WWP2: variants seen among roughly 807,000 people sequenced by gnomAD.
The protein encoded by WWP2 is WW domain containing E3 ubiquitin protein ligase 2, also known as NEDD4-like E3 ubiquitin-protein ligase WWP2.
In WWP2, 57 loss-of-function variants were observed where a neutral mutation model predicts 121.0. That is an observed-to-expected ratio of 0.47 (90% CI 0.38 to 0.59). The LOEUF is 0.59. WWP2 is among the 20% of genes least tolerant of loss of function. WWP2 has a pLI of 0.00. For synonymous variants in WWP2, 449 were observed against 441.3 expected (o/e 1.02, Z -0.22); for missense variants, 962 against 1,158.9 (o/e 0.83, Z 2.47).
At chr16:69,912,955 AATATATATATATATAT>A (rs1567427338) in intron 9 of WWP2, among the ~76,000 whole-genome samples, 1 of 8,352 alleles carries the variant, frequency 1.2e-4, no homozygotes, top group Non-Finnish European at 2.1e-4. Flanking sequence ...AAAAAAAAAA[AATATATATATATATAT>A]ATATATATAT....
intron 8 of WWP2, among the ~76,000 whole-genome samples, chr16:69,904,268 A>G (rs1224137983): frequency 2.0e-5 from 3 of 152,048 alleles, no homozygotes; most frequent in African/African-American, 7.2e-5. Context: ...CCAAATCCCC[A>G]CAGACGAAAC....
rs187863500 is a variant in WWP2, at chr16:69,903,143, C to T, written c.915-5618C>T. Among the ~76,000 whole-genome samples, 260 of 152,320 alleles carry T rather than the reference C, an allele frequency of 1.7e-3. 1 individual carries two copies. The highest frequency in any genetic ancestry group is 0.01 in the Middle Eastern group (3 of 294). The stretch of plus-strand genomic sequence containing the variant: ...GAGCTTTGCGGGACAATAATAGTCC[C>T]TGAAAGAGAGACTTTCATTTCCAGC... On this transcript the variant is annotated intron_variant, in intron 8 of 23. Transcript: ENST00000359154.
intron 21 of WWP2, 74 bp from the exon 22 acceptor site, chr16:69,938,953 A>G (rs1597194649): frequency 2.1e-6 from 3 of 1,407,406 alleles, no homozygotes; most frequent in East Asian, 2.5e-5. Context: ...CCGCTGAGCT[A>G]GAGAGCTCCA....
At chr16:69,879,488 G>A (rs2057787999) in intron 7 of WWP2, among the ~76,000 whole-genome samples, 2 of 151,748 alleles carry the variant, frequency 1.3e-5, no homozygotes, top group South Asian at 4.2e-4. Flanking sequence ...GTCCTTTTGT[G>A]TCTGGCTTAT....
At chr16:69,826,902 G>C (rs2056706371) in intron 4 of WWP2, among the ~76,000 whole-genome samples, 1 of 133,172 alleles carries the variant, frequency 7.5e-6, no homozygotes, top group Admixed American at 8.6e-5. Context: ...TCGTGCCACT[G>C]CACTCCAGCC....
In WWP2 at chr16:69,798,752, T is replaced by C; in HGVS notation, c.141T>C (p.Asp47=). 2 of 1,614,066 alleles carry C rather than the reference T, an allele frequency of 1.2e-6. No individual in the cohort carries two copies. Among genetic ancestry groups the C allele is most frequent in the South Asian group, 1.1e-5 (1 of 91,072 alleles). ...RINSYVEVAV[D]GLPSETKKTG... is the part of the protein sequence containing the mutation. ...ACTCCTACGTGGAGGTGGCGGTGGA[T>C]GGACTCCCCAGTGAGACCAAGAAGA... The change falls in exon 3 of 24, where the codon GAT becomes GAC. Residue 47 remains aspartate, a synonymous_variant. Coordinates refer to ENST00000359154, the MANE Select transcript of WWP2 (RefSeq NM_001270454.2).
At chr16:69,768,061 C>T (rs1434325937) in intron 1 of WWP2, among the ~76,000 whole-genome samples, 1 of 152,040 alleles carries the variant, frequency 6.6e-6, no homozygotes, top group Non-Finnish European at 1.5e-5. Context: ...TGGTCTTGAA[C>T]TCCGGGCTCA....
At chr16:69,847,076 A>ATTAT (rs1270031302) in intron 6 of WWP2, among the ~76,000 whole-genome samples, 5 of 148,042 alleles carry the variant, frequency 3.4e-5, no homozygotes, top group African/African-American at 1.0e-4. Flanking sequence ...GGCTCTTTTT[A>ATTAT]TTATTTATTT....
At chr16:69,839,072 A>G (rs2056928029) in intron 4 of WWP2, among the ~76,000 whole-genome samples, 2 of 148,446 alleles carry the variant, frequency 1.3e-5, no homozygotes, top group Admixed American at 1.4e-4. Flanking sequence ...ACATTTATAT[A>G]TACTATACCT....
At chr16:69,830,146 G>T (rs1342847435) in intron 4 of WWP2, among the ~76,000 whole-genome samples, 1 of 152,132 alleles carries the variant, frequency 6.6e-6, no homozygotes. Context: ...GTAGAGATGG[G>T]GTTTCACCAC....
chr16:69,785,259 A>C (rs578100690), intron 1 of WWP2, among the ~76,000 whole-genome samples: 2 of 151,460 alleles, frequency 1.3e-5, no homozygotes, highest in Non-Finnish European at 2.9e-5. Context: ...AAGACAAGGT[A>C]GTAGAGATGA....
intron 16 of WWP2, among the ~76,000 whole-genome samples, chr16:69,932,610 C>T (rs111563827): frequency 0.01 from 1,579 of 152,302 alleles, 12 homozygotes; most frequent in South Asian, 0.02. Flanking sequence ...CCCTGGGATC[C>T]CCTCCTCTTA....
Position 69,937,514 on chromosome 16 carries a change from C to A in WWP2, c.2239-34C>A. The A allele has an allele frequency of 6.2e-7, 1 of 1,609,170 alleles. No homozygotes were observed. The highest frequency in any genetic ancestry group is 8.5e-7 in the Non-Finnish European group (1 of 1,175,972). ...CGAGTGGACGATGCGCGGGGAGGGA[C>A]CTGCCGGGGATGCTGACTGCCGCCT... is the stretch of plus-strand genomic sequence containing the variant. On this transcript the variant is annotated intron_variant, in intron 20 of 23. Coordinates refer to ENST00000359154, the MANE Select transcript of WWP2 (RefSeq NM_001270454.2). This position sits in a 1 kb window ranked among gnomAD's most constrained non-coding sequence, Gnocchi z 6.6.
chr16:69,931,724 T>C (rs2058716801), intron 15 of WWP2, 78 bp from the exon 16 acceptor site: 1 of 1,577,634 alleles, frequency 6.3e-7, no homozygotes, highest in Non-Finnish European at 8.7e-7. Context: ...TATTGGGCCT[T>C]AGAGTCCCCT....
intron 7 of WWP2, among the ~76,000 whole-genome samples, chr16:69,885,354 T>C (rs1375840802): frequency 1.3e-5 from 2 of 152,236 alleles, no homozygotes; most frequent in Non-Finnish European, 2.9e-5. Context: ...CTTGCATTTC[T>C]GTTAGGGAAA....
intron 6 of WWP2, among the ~76,000 whole-genome samples, chr16:69,861,926 T>G (rs1422400686): frequency 6.6e-6 from 1 of 152,200 alleles, no homozygotes; most frequent in East Asian, 1.9e-4. Flanking sequence ...AGGACAGACT[T>G]GAGGTGGGGA....
rs2058791718 is a variant in WWP2 at position 69,935,995 on chromosome 16, C to A, written c.1976+9C>A. ...TCCATTGTCTGGATCAAGTGAGTTC[C>A]CTGCCCCCTTGCCCCACCGCGCTGA... On this transcript the variant is annotated intron_variant, in intron 18 of 23. Coordinates refer to ENST00000359154, the MANE Select transcript of WWP2 (RefSeq NM_001270454.2). The surrounding 1 kb of genome is among the most constrained non-coding windows in gnomAD (Gnocchi z 5.2). The A allele has an allele frequency of 6.2e-7, 1 of 1,613,218 alleles. No individual in the cohort carries two copies. Among genetic ancestry groups the A allele is most frequent in the Admixed American group, 1.7e-5 (1 of 59,902 alleles).
chr16:69,930,004 G>T, intron 12 of WWP2, 126 bp from the exon 13 acceptor site: 5 of 1,398,488 alleles, frequency 3.6e-6, no homozygotes, highest in Non-Finnish European at 4.9e-6. Flanking sequence ...TGCTTCTTGG[G>T]TGCATGTCCT....
At chr16:69,889,139 T>C (rs990367293) in intron 8 of WWP2, among the ~76,000 whole-genome samples, 3 of 149,674 alleles carry the variant, frequency 2.0e-5, no homozygotes, top group African/African-American at 7.6e-5. Flanking sequence ...TATAGTGATA[T>C]CCTGCCTACA....
Sources: gnomAD v4.1 joint callset for allele counts (sites outside exome capture counted in the v4.1 genomes callset) on GRCh38, gnomAD v4.1.1 for gene constraint, Gnocchi (gnomAD v3.1) non-coding constraint, MANE v1.5 for transcripts, NCBI Gene and HGNC (gene_info 2026-07-23, HGNC 2026-07-21) for gene names.